The following PCDH15 variants were observed in gnomAD, a reference collection of about 807,000 sequenced individuals.
PCDH15 encodes protocadherin related 15.
A neutral mutation model predicts 178.5 loss-of-function variants in PCDH15; 129 were observed. That is an observed-to-expected ratio of 0.72 (90% CI 0.63 to 0.84). The LOEUF (loss-of-function observed/expected upper bound fraction) is 0.84. Ranked by LOEUF, PCDH15 falls within the 40% of genes least tolerant of loss-of-function variation. The pLI is 0.00. For synonymous variants in PCDH15, 800 were observed against 732.0 expected (o/e 1.09, Z -1.50); for missense variants, 2,230 against 2,099.9 (o/e 1.06, Z -1.21).
intron 1 of PCDH15, among the ~76,000 whole-genome samples, chr10:55,207,510 G>A (rs147699505): frequency 4.6e-5 from 7 of 152,164 alleles, no homozygotes; most frequent in African/African-American, 9.6e-5. Context: ...TCTTAATGCC[G>A]AATTTCTGAT....
chr10:54,692,713 G>GAGTAACTCCAAACATCCCTGATTA (rs2095147296), intron 1 of PCDH15, among the ~76,000 whole-genome samples: 2 of 152,136 alleles, frequency 1.3e-5, no homozygotes, highest in Non-Finnish European at 2.9e-5. Flanking sequence ...ATCCCTGATT[G>GAGTAACTCCAAACATCCCTGATTA]AATAACTCAA....
At chr10:55,177,746 T>C (rs190206537) in intron 1 of PCDH15, among the ~76,000 whole-genome samples, 1 of 152,242 alleles carries the variant, frequency 6.6e-6, no homozygotes, top group African/African-American at 2.4e-5. Context: ...CCACCTTCCT[T>C]CCAGAAAAAG....
intron 1 of PCDH15, among the ~76,000 whole-genome samples, chr10:54,707,217 T>A (rs1288402944): frequency 1.3e-5 from 2 of 152,050 alleles, no homozygotes; most frequent in Non-Finnish European, 2.9e-5. Flanking sequence ...GTCAGAGAAA[T>A]TAAGTAAGAC....
At chr10:54,716,770 A>T (rs1161295851) in intron 1 of PCDH15, among the ~76,000 whole-genome samples, 3 of 151,712 alleles carry the variant, frequency 2.0e-5, no homozygotes, top group Non-Finnish European at 4.4e-5. Flanking sequence ...TTTAAAGTTC[A>T]TATGGAACCA....
intron 11 of PCDH15, among the ~76,000 whole-genome samples, chr10:54,188,403 C>T (rs1483386362): frequency 1.3e-5 from 2 of 151,768 alleles, no homozygotes; most frequent in Admixed American, 6.6e-5. Context: ...CTTTAGGTAG[C>T]TGTTGTGTCT....
chr10:54,390,742 G>C (rs573082046), intron 3 of PCDH15, among the ~76,000 whole-genome samples: 1 of 152,292 alleles, frequency 6.6e-6, no homozygotes, highest in South Asian at 2.1e-4. Context: ...ATTAGCTCTT[G>C]AGGAAACTGT....
At chr10:54,639,279 T>G (rs1436970911) in intron 2 of PCDH15, among the ~76,000 whole-genome samples, 5 of 152,176 alleles carry the variant, frequency 3.3e-5, no homozygotes, top group Admixed American at 1.3e-4. Context: ...AATAATATTT[T>G]AAGAGATTCA....
intron 20 of PCDH15, 39 bp downstream of exon 20, chr10:54,020,153 G>C (rs1216795379): frequency 6.4e-7 from 1 of 1,567,524 alleles, no homozygotes; most frequent in East Asian, 2.2e-5. Flanking sequence ...CATGTAGAGA[G>C]AGCAAAGCAG....
chr10:54,742,853 G>GA (rs1178007265), intron 1 of PCDH15, among the ~76,000 whole-genome samples: 1 of 151,990 alleles, frequency 6.6e-6, no homozygotes, highest in African/African-American at 2.4e-5. Context: ...AACCACTATG[G>GA]AAATTTATGG....
intron 1 of PCDH15, among the ~76,000 whole-genome samples, chr10:54,758,735 A>G (rs1023585873): frequency 1.3e-5 from 2 of 152,154 alleles, no homozygotes; most frequent in African/African-American, 4.8e-5. Context: ...AACCTAACCA[A>G]TTGAACTTTT....
chr10:53,874,423 C>T (rs2080082973), intron 26 of PCDH15, among the ~76,000 whole-genome samples: 2 of 152,184 alleles, frequency 1.3e-5, no homozygotes, highest in African/African-American at 4.8e-5. Context: ...TACAGCCCCT[C>T]ATTTTAGTTT....
intron 13 of PCDH15, among the ~76,000 whole-genome samples, chr10:54,162,981 C>G (rs779605551): frequency 6.9e-5 from 10 of 144,764 alleles, no homozygotes; most frequent in Non-Finnish European, 1.5e-4. Flanking sequence ...TATAAACAAA[C>G]GTTTATGGAA....
chr10:54,356,971 T>TA (rs1236819116), intron 5 of PCDH15, among the ~76,000 whole-genome samples: 2 of 152,048 alleles, frequency 1.3e-5, no homozygotes, highest in South Asian at 2.1e-4. Context: ...CCCTTCATGC[T>TA]AAAAAATCTC....
intron 1 of PCDH15, among the ~76,000 whole-genome samples, chr10:54,683,083 A>G (rs2094928089): frequency 6.6e-6 from 1 of 152,146 alleles, no homozygotes; most frequent in African/African-American, 2.4e-5. Flanking sequence ...AAATTCTGAG[A>G]TATTATAAGA....
At chr10:54,247,072 T>C in intron 8 of PCDH15, among the ~76,000 whole-genome samples, 1 of 152,110 alleles carries the variant, frequency 6.6e-6, no homozygotes, top group South Asian at 2.1e-4. Context: ...AATATTACAA[T>C]TCTTATGGCT....
intron 15 of PCDH15, among the ~76,000 whole-genome samples, chr10:54,100,836 A>AT (rs979482578): frequency 4.0e-4 from 58 of 146,270 alleles, no homozygotes; most frequent in Middle Eastern, 3.5e-3. Flanking sequence ...GTGGGGGGGG[A>AT]TTTTTTTTTT....
chr10:54,397,089 C>T (rs773140901), intron 3 of PCDH15, among the ~76,000 whole-genome samples: 17 of 152,010 alleles, frequency 1.1e-4, no homozygotes, highest in African/African-American at 3.4e-4. Context: ...CTCATCTTGA[C>T]GAAACTTTAA....
At chr10:54,586,181 T>A (rs1203997392) in intron 2 of PCDH15, among the ~76,000 whole-genome samples, 1 of 152,120 alleles carries the variant, frequency 6.6e-6, no homozygotes, top group Admixed American at 6.6e-5. Flanking sequence ...TTAGGGAAAG[T>A]GGAGTAAATT....
At chr10:54,306,454 A>G (rs2060476302) in intron 8 of PCDH15, among the ~76,000 whole-genome samples, 2 of 152,046 alleles carry the variant, frequency 1.3e-5, no homozygotes, top group African/African-American at 2.4e-5. Flanking sequence ...CTGGAGACAT[A>G]GGGAGGAATT....
Sources: gnomAD v4.1 joint callset for allele counts (sites outside exome capture counted in the v4.1 genomes callset) on GRCh38, gnomAD v4.1.1 for gene constraint, MANE v1.5 for transcripts, NCBI Gene and HGNC (gene_info 2026-07-23, HGNC 2026-07-21) for gene names.